The following DOCK7 variants were observed in gnomAD, a reference collection of about 807,000 sequenced individuals.
DOCK7 encodes the protein dedicator of cytokinesis 7.
DOCK7 carries 138 observed loss-of-function variants against 271.0 expected under a neutral mutation model. The observed-to-expected ratio is 0.51, with a 90% CI of 0.44 to 0.59. The LOEUF (loss-of-function observed/expected upper bound fraction) is 0.59, where lower values mean the gene tolerates loss of function less well. Ranked by LOEUF, DOCK7 falls within the 20% of genes least tolerant of loss-of-function variation. The pLI is 0.00. For synonymous variants in DOCK7, 823 were observed against 876.1 expected (o/e 0.94, Z 1.07); for missense variants, 2,066 against 2,592.4 (o/e 0.80, Z 4.41).
At position 62,539,539 on chromosome 1, in the gene DOCK7, C is replaced by G. The variant is rs899004628; in HGVS notation, c.3300+6G>C. The G allele has an allele frequency of 2.5e-6, 4 of 1,583,652 alleles. No individual in the cohort carries two copies. The East Asian group carries it at 9.0e-5, about 35-fold the overall frequency. On this transcript the variant is annotated splice_donor_region_variant and intron_variant, in intron 27 of 49. Transcript: ENST00000635253. ...TGATTACTAATTATTCCTAACTATG[C>G]ATTACCTGTTTATAGCAGGACTTTA...
intron 43 of DOCK7, chr1:62,479,081 T>C (rs564995902): frequency 2.0e-5 from 3 of 152,336 alleles, no homozygotes; most frequent in Admixed American, 1.3e-4. Context: ...AAAATTATTT[T>C]AGGATTCTCT....
chr1:62,470,028 A>G (rs887355109), intron 48 of DOCK7, among the ~76,000 whole-genome samples: 39 of 152,232 alleles, frequency 2.6e-4, no homozygotes, highest in Non-Finnish European at 8.8e-5. Context: ...TTCCTTAAAG[A>G]ACTAATTCCT....
intron 7 of DOCK7, among the ~76,000 whole-genome samples, chr1:62,647,001 T>C (rs975964961): frequency 8.5e-5 from 13 of 152,348 alleles, no homozygotes; most frequent in Admixed American, 1.3e-4. Context: ...CTATCTAACA[T>C]GTTTCTGAAT....
intron 14 of DOCK7, chr1:62,605,435 T>C (rs974123533): frequency 2.0e-5 from 3 of 153,082 alleles, no homozygotes; most frequent in African/African-American, 4.8e-5. Context: ...TTAAAATAAG[T>C]TCGCTGTCTT....
At chr1:62,494,138 T>C in intron 40 of DOCK7, 137 bp downstream of exon 40, 1 of 692,400 alleles carries the variant, frequency 1.4e-6, no homozygotes, top group Non-Finnish European at 2.3e-6. Context: ...CACTGTGAAA[T>C]GTTAATTCAC....
At chr1:62,493,735 A>G (rs1018655585) in intron 40 of DOCK7, among the ~76,000 whole-genome samples, 2 of 152,224 alleles carry the variant, frequency 1.3e-5, no homozygotes, top group African/African-American at 2.4e-5. Flanking sequence ...AAATTTTATA[A>G]TATCTCAAAC....
chr1:62,674,542 C>A (rs866329601), intron 1 of DOCK7, among the ~76,000 whole-genome samples: 44 of 152,180 alleles, frequency 2.9e-4, no homozygotes, highest in African/African-American at 1.0e-3. Context: ...CCCACACTTA[C>A]AAATTTCAAA....
chr1:62,521,440 C>G (rs760523322), intron 31 of DOCK7, among the ~76,000 whole-genome samples: 37 of 151,790 alleles, frequency 2.4e-4, no homozygotes, highest in Non-Finnish European at 5.0e-4. Context: ...AAATAATAAA[C>G]TTTAAAAAGT....
chr1:62,581,364 A>G (rs1557752096), intron 16 of DOCK7, among the ~76,000 whole-genome samples: 1 of 152,182 alleles, frequency 6.6e-6, no homozygotes, highest in Non-Finnish European at 1.5e-5. Flanking sequence ...GAGAAGAGGA[A>G]AGACAAAGAT....
At position 62,475,962 on chromosome 1, in the gene DOCK7, C is replaced by G; in HGVS notation, c.5725-19G>C. On this transcript the variant is annotated intron_variant, in intron 45 of 49. Transcript: ENST00000635253. Reference sequence around the variant, plus strand: ...TATATGCCTAGGAAAGAAAAAAGTCCTTCATTTCCTCACTGTTAAGTCATC... The same window carrying G: ...TATATGCCTAGGAAAGAAAAAAGTCGTTCATTTCCTCACTGTTAAGTCATC... 2 of 1,608,132 alleles carry G rather than the reference C, an allele frequency of 1.2e-6. No individual in the cohort carries two copies. Among genetic ancestry groups the G allele is most frequent in the Non-Finnish European group, 1.7e-6 (2 of 1,175,566 alleles).
At position 62,454,817 on chromosome 1, in the gene DOCK7, TA is replaced by T. The variant is rs1252808976; in HGVS notation, c.*596del. 1 of 182,290 alleles carries T rather than the reference TA, an allele frequency of 5.5e-6. No individual in the cohort carries two copies. Among genetic ancestry groups the T allele is most frequent in the East Asian group, 1.5e-4 (1 of 6,872 alleles). The allele number at this position is 182,290 out of a possible 1,614,324, so 11.3% of individuals were successfully genotyped here. On this transcript the variant is annotated 3_prime_UTR_variant, in exon 50 of 50. Transcript: ENST00000635253. Reference sequence around the variant, plus strand: ...TATTTTACACAAAGGTTTTACTAAGTAAAGTTCTGCAATTCTAAATTCCTGT... The same window carrying T: ...TATTTTACACAAAGGTTTTACTAAGTAAGTTCTGCAATTCTAAATTCCTGT...
intron 1 of DOCK7, among the ~76,000 whole-genome samples, chr1:62,680,092 C>T (rs953552866): frequency 4.6e-5 from 7 of 152,124 alleles, no homozygotes; most frequent in Non-Finnish European, 8.8e-5. Context: ...CAATCCTAAG[C>T]CAAAAGAACA....
chr1:62,665,381 C>T (rs1659173725), intron 1 of DOCK7, among the ~76,000 whole-genome samples: 1 of 152,002 alleles, frequency 6.6e-6, no homozygotes, highest in Non-Finnish European at 1.5e-5. Context: ...CTCATCGAAG[C>T]TGAGATGAGA....
chr1:62,541,548 A>G (rs952246572), intron 25 of DOCK7, among the ~76,000 whole-genome samples: 10 of 152,324 alleles, frequency 6.6e-5, no homozygotes, highest in African/African-American at 2.4e-4. Flanking sequence ...TCCACTTCCA[A>G]TTAATGAAGA....
chr1:62,606,390 A>G (rs1650995961), intron 14 of DOCK7, among the ~76,000 whole-genome samples: 1 of 151,496 alleles, frequency 6.6e-6, no homozygotes. Context: ...CGTTTTCCCC[A>G]TATAAAGCTT....
chr1:62,673,281 C>T (rs1272273137), intron 1 of DOCK7, among the ~76,000 whole-genome samples: 1 of 152,050 alleles, frequency 6.6e-6, no homozygotes, highest in African/African-American at 2.4e-5. Flanking sequence ...TCAGGTGTCT[C>T]ATATATCCCA....
chr1:62,494,596 G>T (rs750461670), intron 39 of DOCK7, 129 bp from the exon 40 acceptor site: 2 of 642,252 alleles, frequency 3.1e-6, no homozygotes, highest in Non-Finnish European at 2.4e-6. Context: ...TTTTAAAGTA[G>T]TATGAAAATG....
chr1:62,578,474 C>T (rs1361331198), intron 17 of DOCK7, among the ~76,000 whole-genome samples: 2 of 152,136 alleles, frequency 1.3e-5, no homozygotes, highest in African/African-American at 2.4e-5. Context: ...AATCCTAGCA[C>T]TTTGGGAGGC....
chr1:62,538,653 G>A (rs184773612), intron 27 of DOCK7, among the ~76,000 whole-genome samples: 2 of 152,214 alleles, frequency 1.3e-5, no homozygotes, highest in Admixed American at 1.3e-4. Context: ...TTCCATGTGG[G>A]TGAGTGCCCA....
Sources: gnomAD v4.1 joint callset for allele counts (sites outside exome capture counted in the v4.1 genomes callset) on GRCh38, gnomAD v4.1.1 for gene constraint, MANE v1.5 for transcripts, NCBI Gene and HGNC (gene_info 2026-07-23, HGNC 2026-07-21) for gene names.